Variants in TRIM6 observed in about 807,000 individuals in gnomAD.
The protein encoded by TRIM6 is tripartite motif containing 6, also known as tripartite motif-containing protein 6.
TRIM6 carries 43 observed loss-of-function variants against 51.2 expected under a neutral mutation model. The ratio of observed to expected loss-of-function variants is 0.84; its 90% confidence interval spans 0.66 to 1.08. The LOEUF is 1.08. Among genes scored for constraint, TRIM6 ranks in the 50% least tolerant of loss-of-function variants. The pLI, the probability that TRIM6 is intolerant of heterozygous loss-of-function variation, is 0.00. For missense variants in TRIM6, 669 were observed against 619.0 expected, an observed-to-expected ratio of 1.08 and a Z score of -0.86; for synonymous variants, 215 against 232.4, an observed-to-expected ratio of 0.93 and a Z score of 0.68.
chr11:5,602,215 C>T (rs10838411), intron 1 of TRIM6, among the ~76,000 whole-genome samples: 35,516 of 151,770 alleles, frequency 0.23, 4,776 homozygotes, highest in African/African-American at 0.36. Flanking sequence ...CCAAGGCGGG[C>T]GGATCATGAG....
At chr11:5,609,734 A>C (rs1342594753) in intron 5 of TRIM6, among the ~76,000 whole-genome samples, 1 of 152,192 alleles carries the variant, frequency 6.6e-6, no homozygotes, top group African/African-American at 2.4e-5. Flanking sequence ...CATCCTGGCT[A>C]ACATGATGAA....
chr11:5,610,931 T>C lies in TRIM6; in HGVS notation c.1140T>C (p.Ser380=). Residue 380 remains serine (S), a synonymous_variant, in exon 8 of 8, where the codon TCT becomes TCC. Transcript: ENST00000380097. ...CSVLGSQHFS[S]GKHYWEVDVA... ...TCCTGGGCTCCCAGCACTTCTCCTC[T>C]GGTAAGCATTACTGGGAGGTAGATG... 1 of 1,614,220 alleles carries C rather than the reference T, an allele frequency of 6.2e-7. No homozygotes were observed. Among genetic ancestry groups the C allele is most frequent in the Non-Finnish European group, 8.5e-7 (1 of 1,180,038 alleles).
intron 5 of TRIM6, among the ~76,000 whole-genome samples, chr11:5,609,075 C>G (rs79852700): frequency 0.014 from 2,070 of 151,990 alleles, 51 homozygotes; most frequent in African/African-American, 0.047. Flanking sequence ...GTCTCAATTC[C>G]AGTAAAAACG....
chr11:5,600,735 C>T (rs1170533272), intron 1 of TRIM6, among the ~76,000 whole-genome samples: 1 of 152,108 alleles, frequency 6.6e-6, no homozygotes, highest in Non-Finnish European at 1.5e-5. Context: ...GCTGGGAAAC[C>T]AGCCAAAGAC....
Position 5,611,500 on chromosome 11 carries a change from C to A in TRIM6, c.*158C>A. 2 of 667,712 alleles carry A rather than the reference C, an allele frequency of 3.0e-6. No homozygotes were observed. The highest frequency in any genetic ancestry group is 5.0e-6 in the Non-Finnish European group (2 of 398,232). The allele number at this position is 667,712 out of a possible 1,614,324, so 41.4% of individuals were successfully genotyped here. ...ATGGAATCTCGCTCTGTCGCCCAGG[C>A]TGGAGTGCACTGGCGCAATCTCGGC... On this transcript the variant is annotated 3_prime_UTR_variant, in exon 8 of 8. Transcript: ENST00000380097.
chr11:5,606,428 T>C (rs1590105408), intron 4 of TRIM6, among the ~76,000 whole-genome samples: 1 of 152,318 alleles, frequency 6.6e-6, no homozygotes, highest in Middle Eastern at 3.4e-3. Context: ...GCTTGTGATA[T>C]TCTGTAACCT....
In TRIM6 at chr11:5,596,757, G is replaced by A. The variant is rs12272467; in HGVS notation, c.-141G>A. ...TCTCGGAACGGAACGGAGCAGAGTC[G>A]TGCGTGGTTGAGTTTAGATAAAAGC... On this transcript the variant is annotated 5_prime_UTR_variant, in exon 1 of 8. The change creates a new upstream start codon in the 5' untranslated region. Coordinates refer to ENST00000380097, the MANE Select transcript of TRIM6 (RefSeq NM_001003818.3). 0.45 allele frequency: 584,009 copies of A among 1,291,750 alleles called. 133,765 individuals carry two copies. Among genetic ancestry groups the A allele is most frequent in the Middle Eastern group, 0.6 (2,952 of 4,880 alleles). The allele number at this position is 1,291,750 out of a possible 1,614,324, so 80.0% of individuals were successfully genotyped here.
At chr11:5,608,847 ATTT>A (rs370630648) in intron 5 of TRIM6, among the ~76,000 whole-genome samples, 6 of 101,886 alleles carry the variant, frequency 5.9e-5, no homozygotes, top group South Asian at 3.9e-4. Context: ...TTGCCCATAA[ATTT>A]TTTTTTTTTT....
Position 5,610,255 on chromosome 11 carries a change from T to C in TRIM6, c.958+10T>C. On this transcript the variant is annotated intron_variant, in intron 6 of 7. Transcript: ENST00000380097. ...CTGCGAGTGTGTAGAGGTAAGGAGA[T>C]TCAGGGGAAAGAGTTTGGATGTGAA... 1.2e-6 allele frequency: 2 copies of C among 1,613,924 alleles called. No homozygotes were observed. Among genetic ancestry groups the C allele is most frequent in the East Asian group, 2.2e-5 (1 of 44,850 alleles).
At chr11:5,599,838 T>C (rs1847727307) in intron 1 of TRIM6, among the ~76,000 whole-genome samples, 2 of 152,220 alleles carry the variant, frequency 1.3e-5, no homozygotes, top group African/African-American at 4.8e-5. Flanking sequence ...TAATTGATCA[T>C]TTCCTGTGTT....
intron 3 of TRIM6, 82 bp downstream of exon 3, chr11:5,604,711 C>T: frequency 2.8e-6 from 4 of 1,431,032 alleles, no homozygotes; most frequent in Non-Finnish European, 3.8e-6. Context: ...AGTCCTTGTC[C>T]TGTCTGTCCT....
Position 5,610,981 on chromosome 11 carries a change from T to C in TRIM6, c.1190T>C (p.Leu397Pro). ...VDVAKKTAWI[L>P]GVCSNSLGPT... is the part of the protein sequence containing the mutation. ...GTGGCCAAGAAGACTGCCTGGATCC[T>C]GGGGGTATGCAGCAATTCACTGGGA... is the stretch of plus-strand genomic sequence containing the variant. The change falls in exon 8 of 8, where the codon CTG becomes CCG. Residue 397 changes from leucine to proline, a missense_variant. By Grantham distance (98) the Leu-to-Pro change is moderately conservative. Coordinates refer to ENST00000380097, the MANE Select transcript of TRIM6 (RefSeq NM_001003818.3). 1 of 1,614,080 alleles carries C rather than the reference T, an allele frequency of 6.2e-7. No homozygotes were observed.
In TRIM6 at chr11:5,611,305, G is replaced by A. The variant is rs1385365975; in HGVS notation, c.1514G>A (p.Cys505Tyr). 1 of 1,614,086 alleles carries A rather than the reference G, an allele frequency of 6.2e-7. No homozygotes were observed. Among genetic ancestry groups the A allele is most frequent in the South Asian group, 1.1e-5 (1 of 91,078 alleles). ...TGTCCATATTTTAATCCTTGCAACT[G>A]TGTAATTCCTATGACCCTGCGTCGT... ...TLCPYFNPCN[C>Y]VIPMTLRRPS... Residue 505 changes from cysteine (C) to tyrosine (Y), a missense_variant, in exon 8 of 8, where the codon TGT becomes TAT. Coordinates refer to ENST00000380097, the MANE Select transcript of TRIM6 (RefSeq NM_001003818.3).
chr11:5,605,042 G>A, intron 3 of TRIM6: 3 of 474,668 alleles, frequency 6.3e-6, no homozygotes, highest in Non-Finnish European at 1.2e-5. Context: ...AATTGGAAGA[G>A]GAGGCTGATG....
chr11:5,603,541 A>C lies in TRIM6; in HGVS notation c.313A>C (p.Ile105Leu). The change falls in exon 2 of 8, where the codon ATA becomes CTA. Residue 105 changes from isoleucine to leucine, a missense_variant. Transcript: ENST00000380097. ...NLRPNRHLAN[I>L]VRRLREVVLG... ...GCGGCCTAATCGGCATCTGGCCAAC[A>C]TAGTGAGGCGGCTCAGAGAGGTAGT... 1 of 1,614,098 alleles carries C rather than the reference A, an allele frequency of 6.2e-7. No homozygotes were observed. The highest frequency in any genetic ancestry group is 8.5e-7 in the Non-Finnish European group (1 of 1,180,038).
intron 1 of TRIM6, among the ~76,000 whole-genome samples, chr11:5,602,251 T>G (rs192471501): frequency 6.6e-6 from 1 of 151,282 alleles, no homozygotes; most frequent in Non-Finnish European, 1.5e-5. Context: ...CCATCCTGGC[T>G]AACACAGTGA....
chr11:5,606,079 T>C (rs1203537497), intron 4 of TRIM6, among the ~76,000 whole-genome samples: 1 of 152,208 alleles, frequency 6.6e-6, no homozygotes, highest in African/African-American at 2.4e-5. Context: ...ATTAGGCACC[T>C]CTCGTCTCTG....
At chr11:5,600,406 A>C (rs1163065349) in intron 1 of TRIM6, among the ~76,000 whole-genome samples, 5 of 152,188 alleles carry the variant, frequency 3.3e-5, no homozygotes, top group Non-Finnish European at 1.5e-5. Context: ...AAGCATGGCA[A>C]AGCTGAAGAG....
chr11:5,598,071 CTCTT>C (rs750570933), intron 1 of TRIM6, among the ~76,000 whole-genome samples: 2 of 152,182 alleles, frequency 1.3e-5, no homozygotes, highest in South Asian at 2.1e-4. Context: ...TGAATTTGGG[CTCTT>C]TCTTCTGCTA....
Sources: allele counts gnomAD v4.1 joint callset (sites outside exome capture counted in the v4.1 genomes callset), GRCh38; gene constraint gnomAD v4.1.1; transcripts MANE v1.5; gene names NCBI Gene and HGNC (gene_info 2026-07-23, HGNC 2026-07-21).